LOXHD1: variants seen among roughly 807,000 people sequenced by gnomAD.
LOXHD1 encodes the protein lipoxygenase homology PLAT domains 1, also known as lipoxygenase homology domain-containing protein 1.
In LOXHD1, 205 loss-of-function variants were observed where a neutral mutation model predicts 248.2. The observed-to-expected ratio is 0.83, with a 90% CI of 0.74 to 0.93. The LOEUF (loss-of-function observed/expected upper bound fraction) is 0.93, where lower values mean the gene tolerates loss of function less well. Ranked by LOEUF, LOXHD1 falls within the 40% of genes least tolerant of loss-of-function variation. The pLI, the probability that LOXHD1 is intolerant of heterozygous loss-of-function variation, is 0.00. For synonymous variants in LOXHD1, 1,113 were observed against 1,162.8 expected, an observed-to-expected ratio of 0.96 and a Z score of 0.87; for missense variants, 2,930 against 2,971.6, an observed-to-expected ratio of 0.99 and a Z score of 0.33.
At chr18:46,641,864 G>A in intron 3 of LOXHD1, 92 bp downstream of exon 3, 1 of 1,263,988 alleles carries the variant, frequency 7.9e-7, no homozygotes, top group South Asian at 1.3e-5. Context: ...ATAACATCTG[G>A]GAAGTAATTC....
rs930739209 is a variant in LOXHD1, at chr18:46,560,517, T to C, written c.2627A>G (p.Tyr876Cys). Residue 876 changes from tyrosine (Y) to cysteine (C), a missense_variant, in exon 19 of 41, where the codon TAT (tyrosine) becomes TGT (cysteine). Coordinates refer to ENST00000642948, the MANE Select transcript of LOXHD1 (RefSeq NM_001384474.1). ...GCCCGTGTGCCCGAGCCGGAGCTTA[T>C]AGACCTCGCCCACGTCGGCCGCCTC... ...QLEAADVGEVYKLRLGHTGEG... is the reference protein window; with the variant it reads ...QLEAADVGEVCKLRLGHTGEG... 5.2e-6 allele frequency: 8 copies of C among 1,534,616 alleles called. No homozygotes were observed. The highest frequency in any genetic ancestry group is 2.0e-5 in the Admixed American group (1 of 50,918).
chr18:46,524,960 C>G (rs1029886432), intron 29 of LOXHD1, 43 bp from the exon 30 acceptor site: 1 of 1,541,832 alleles, frequency 6.5e-7, no homozygotes, highest in Non-Finnish European at 8.8e-7. Flanking sequence ...GGTGTGCCAC[C>G]CACTCAACCC....
At chr18:46,566,009 G>T (rs1386981363) in intron 17 of LOXHD1, among the ~76,000 whole-genome samples, 1 of 152,152 alleles carries the variant, frequency 6.6e-6, no homozygotes, top group African/African-American at 2.4e-5. Flanking sequence ...AAAGTCATTT[G>T]CTGCCTTTAT....
intron 21 of LOXHD1, chr18:46,555,200 C>A: frequency 2.1e-6 from 1 of 470,694 alleles, no homozygotes; most frequent in South Asian, 1.6e-5. Flanking sequence ...GCACTTTTTC[C>A]TTTCCAAGCT....
intron 6 of LOXHD1, among the ~76,000 whole-genome samples, chr18:46,607,127 C>T (rs2038426693): frequency 6.6e-6 from 1 of 151,568 alleles, no homozygotes; most frequent in African/African-American, 2.4e-5. Flanking sequence ...CAAGATTGTG[C>T]CACTGCACTC....
intron 40 of LOXHD1, among the ~76,000 whole-genome samples, chr18:46,480,409 A>G (rs2032463830): frequency 2.0e-5 from 3 of 152,284 alleles, no homozygotes; most frequent in Admixed American, 2.0e-4. Flanking sequence ...CACATAAGAC[A>G]TGTTTTCCTG....
chr18:46,639,656 A>C lies in LOXHD1; in HGVS notation c.471T>G (p.Arg157=), dbSNP rs1287964072. ...TGGGGTTGAAGCTGGCCAGCAGGTC[A>C]CGGCACCACTGGCGGTCACCTTCCA... ...SKVEGDRQWC[R]DLLASFNPMD... The change falls in exon 4 of 41, where the codon CGT becomes CGG. Residue 157 remains arginine, a synonymous_variant. Transcript: ENST00000642948. 9 of 1,551,640 alleles carry C rather than the reference A, an allele frequency of 5.8e-6. No individual in the cohort carries two copies. In the Admixed American group the frequency reaches 1.8e-4, roughly 30 times the overall value.
In LOXHD1 at chr18:46,495,515, G is replaced by C. The variant is rs189523622; in HGVS notation, c.5879-6373C>G. Among the ~76,000 whole-genome samples the C allele has an allele frequency of 2.0e-3, 307 of 152,256 alleles. 2 individuals carry two copies. The highest frequency in any genetic ancestry group is 0.014 in the Middle Eastern group (4 of 294). On this transcript the variant is annotated intron_variant, in intron 37 of 40. Coordinates refer to ENST00000642948, the MANE Select transcript of LOXHD1 (RefSeq NM_001384474.1). ...AGAGTTATGAGGAAATTTTACAGTGGAGTAATCAGGCTGGCAGTCCCTGTA... is the reference window on the plus strand; with the variant it reads ...AGAGTTATGAGGAAATTTTACAGTGCAGTAATCAGGCTGGCAGTCCCTGTA...
Position 46,534,362 on chromosome 18 carries a change from G to A in LOXHD1, c.4185C>T (p.Asp1395=). ...MNPGWHCSHV[D]IRRLLPDKDG... is the part of the protein sequence containing the mutation. ...CTTTATCCGGGAGGAGCCTGCGGAT[G>A]TCCACGTGAGAGCAGTGCCACCCAG... Residue 1395 remains aspartate, a synonymous_variant, in exon 27 of 41, where the codon GAC becomes GAT. Transcript: ENST00000642948. 3 of 1,551,580 alleles carry A rather than the reference G, an allele frequency of 1.9e-6. No homozygotes were observed. Among genetic ancestry groups the A allele is most frequent in the Non-Finnish European group, 2.6e-6 (3 of 1,146,878 alleles).
chr18:46,500,936 G>A (rs2034186140), intron 37 of LOXHD1, among the ~76,000 whole-genome samples: 1 of 152,030 alleles, frequency 6.6e-6, no homozygotes, highest in African/African-American at 2.4e-5. Context: ...GGTTTTCTCT[G>A]AGTCCTCGGA....
At chr18:46,572,253 C>T in intron 14 of LOXHD1, 91 bp from the exon 15 acceptor site, 1 of 1,142,726 alleles carries the variant, frequency 8.8e-7, no homozygotes, top group South Asian at 1.3e-5. Context: ...CTATGGAGGC[C>T]CAGAGCTTTG....
chr18:46,522,073 C>T, intron 32 of LOXHD1, 28 bp downstream of exon 32: 1 of 1,533,396 alleles, frequency 6.5e-7, no homozygotes, highest in Non-Finnish European at 8.8e-7. Flanking sequence ...AGGGTGGTCA[C>T]TATCATGGGG....
intron 37 of LOXHD1, among the ~76,000 whole-genome samples, chr18:46,490,692 C>T (rs1218798811): frequency 6.6e-6 from 1 of 152,224 alleles, no homozygotes; most frequent in Non-Finnish European, 1.5e-5. Context: ...TCAGGCTGGT[C>T]TCGAACTCCC....
intron 35 of LOXHD1, 102 bp from the exon 36 acceptor site, chr18:46,507,814 C>T: frequency 1.6e-6 from 2 of 1,278,388 alleles, no homozygotes; most frequent in South Asian, 1.5e-5. Context: ...CCCTGGAGAT[C>T]CCAGACCTGA....
At chr18:46,636,236 T>C (rs1203888902) in intron 4 of LOXHD1, among the ~76,000 whole-genome samples, 1 of 152,130 alleles carries the variant, frequency 6.6e-6, no homozygotes. Context: ...GGTTAGAGGT[T>C]GGGTACTTCC....
At chr18:46,479,769 A>C (rs2032394577) in intron 40 of LOXHD1, among the ~76,000 whole-genome samples, 1 of 151,242 alleles carries the variant, frequency 6.6e-6, no homozygotes, top group African/African-American at 2.4e-5. Flanking sequence ...AACAGAAAAA[A>C]AAAAAAACAA....
At chr18:46,620,237 A>G (rs1330285080) in intron 4 of LOXHD1, among the ~76,000 whole-genome samples, 2 of 152,102 alleles carry the variant, frequency 1.3e-5, no homozygotes, top group Admixed American at 1.3e-4. Context: ...CTCTGAGAAC[A>G]TTCATTTTGG....
At chr18:46,601,498 T>C in intron 7 of LOXHD1, 31 bp from the exon 8 acceptor site, 1 of 1,551,656 alleles carries the variant, frequency 6.4e-7, no homozygotes, top group Non-Finnish European at 8.7e-7. Context: ...AAGAGAGTGT[T>C]CAATGTGAGC....
rs184087311 is a variant in LOXHD1 at position 46,590,045 on chromosome 18, C to T, written c.1654+1888G>A. On this transcript the variant is annotated intron_variant, in intron 12 of 40. Coordinates refer to ENST00000642948, the MANE Select transcript of LOXHD1 (RefSeq NM_001384474.1). The stretch of plus-strand genomic sequence containing the variant: ...TTTCACCAACAAGACTAGGGGAAGG[C>T]GACAAGTTTAGAGAACAACACAATT... 5.4e-4 allele frequency among the ~76,000 whole-genome samples: 82 copies of T among 152,228 alleles called. No individual in the cohort carries two copies. The East Asian group carries it at 0.012, about 21-fold the overall frequency.
Sources: allele counts gnomAD v4.1 joint callset (sites outside exome capture counted in the v4.1 genomes callset), GRCh38; gene constraint gnomAD v4.1.1; transcripts MANE v1.5; gene names NCBI Gene and HGNC (gene_info 2026-07-23, HGNC 2026-07-21).